LTBP1: variants seen among roughly 807,000 people sequenced by gnomAD.
LTBP1 encodes latent-transforming growth factor beta-binding protein 1.
Under a neutral mutation model 207.6 loss-of-function variants are expected in LTBP1, and 129 were observed. That is an observed-to-expected ratio of 0.62 (90% confidence interval 0.54 to 0.72). The LOEUF (loss-of-function observed/expected upper bound fraction) is 0.72. Ranked by LOEUF, LTBP1 falls within the 30% of genes least tolerant of loss-of-function variation. The pLI is 0.00. For missense variants in LTBP1, 2,281 were observed against 2,217.2 expected (o/e 1.03, Z -0.58); for synonymous variants, 963 against 833.7 (o/e 1.16, Z -2.67).
At chr2:33,309,300 T>A (rs2094146401) in intron 22 of LTBP1, 134 bp from the exon 23 acceptor site, 2 of 590,542 alleles carry the variant, frequency 3.4e-6, no homozygotes, top group Non-Finnish European at 5.3e-6. Flanking sequence ...AAAAAAAAGT[T>A]AAAAAGTTGT....
At chr2:33,188,175 C>T (rs2087410282) in intron 6 of LTBP1, among the ~76,000 whole-genome samples, 1 of 152,166 alleles carries the variant, frequency 6.6e-6, no homozygotes, top group Non-Finnish European at 1.5e-5. Context: ...AATCCCAGCA[C>T]TTTGGGAGGC....
At chr2:33,377,085 G>A (rs1272081190) in intron 31 of LTBP1, among the ~76,000 whole-genome samples, 1 of 152,192 alleles carries the variant, frequency 6.6e-6, no homozygotes, top group East Asian at 1.9e-4. Flanking sequence ...TTTGCCGCAA[G>A]GTGAGAATAG....
At chr2:33,341,729 A>AAAAAAAT (rs745445793) in intron 24 of LTBP1, among the ~76,000 whole-genome samples, 37 of 93,622 alleles carry the variant, frequency 4.0e-4, no homozygotes, top group African/African-American at 1.7e-3. Flanking sequence ...AAAAAAAAAA[A>AAAAAAAT]ATATATATAT....
Position 33,171,105 on chromosome 2 carries a change from T to TTTC in LTBP1, c.1202-15751_1202-15750insTTC, listed in dbSNP as rs1553437269. Among the ~76,000 whole-genome samples, 63 of 107,612 alleles carry TTTC rather than the reference T, an allele frequency of 5.9e-4. 4 individuals carry two copies. Among genetic ancestry groups the TTTC allele is most frequent in the African/African-American group, 1.7e-3 (50 of 29,696 alleles). 70.6% of individuals were successfully genotyped at this position (107,612 alleles called of 152,430 possible). On this transcript the variant is annotated intron_variant, in intron 5 of 33. Transcript: ENST00000404816. ...TGGAAACTCTAAAAAGCAGAGCACC[T>TTTC]CTCCTCCAAAGGAACGCAGTTCCTC...
At chr2:33,082,223 G>T (rs2078451701) in intron 3 of LTBP1, among the ~76,000 whole-genome samples, 1 of 152,070 alleles carries the variant, frequency 6.6e-6, no homozygotes, top group Admixed American at 6.6e-5. Flanking sequence ...TTTCTGCCAT[G>T]AGATTGTTGC....
intron 7 of LTBP1, among the ~76,000 whole-genome samples, chr2:33,204,271 T>C (rs1573163062): frequency 6.6e-6 from 1 of 151,712 alleles, no homozygotes; most frequent in South Asian, 2.1e-4. Flanking sequence ...TTGAATGTTC[T>C]ATTTCAACAA....
At chr2:33,129,130 A>G (rs1308405598) in intron 4 of LTBP1, among the ~76,000 whole-genome samples, 2 of 152,244 alleles carry the variant, frequency 1.3e-5, no homozygotes, top group African/African-American at 2.4e-5. Context: ...GGGAAAAAAA[A>G]GTACAGTTGG....
chr2:32,973,401 TG>T (rs1681216914), intron 2 of LTBP1, among the ~76,000 whole-genome samples: 1 of 152,206 alleles, frequency 6.6e-6, no homozygotes, highest in African/African-American at 2.4e-5. Context: ...AATGCTCTTT[TG>T]TGTCCGTTAC....
chr2:33,035,538 T>C (rs2075880154), intron 3 of LTBP1, among the ~76,000 whole-genome samples: 1 of 152,258 alleles, frequency 6.6e-6, no homozygotes, highest in Admixed American at 6.5e-5. Flanking sequence ...ACTGTATTTC[T>C]TCATACTTTC....
chr2:33,198,948 A>C (rs1439370213), intron 7 of LTBP1, among the ~76,000 whole-genome samples: 1 of 151,912 alleles, frequency 6.6e-6, no homozygotes, highest in Non-Finnish European at 1.5e-5. Flanking sequence ...TAGCTTTTGA[A>C]TGTGTTTGCT....
intron 8 of LTBP1, among the ~76,000 whole-genome samples, chr2:33,218,563 AT>A (rs1160573176): frequency 3.9e-5 from 6 of 151,990 alleles, no homozygotes; most frequent in Admixed American, 2.6e-4. Flanking sequence ...TGCCCAGCTA[AT>A]TTTTGTATTT....
intron 3 of LTBP1, among the ~76,000 whole-genome samples, chr2:33,046,011 T>C (rs667309): frequency 0.4 from 61,432 of 152,076 alleles, 14,131 homozygotes; most frequent in East Asian, 0.64. Flanking sequence ...AAGGAGATTT[T>C]GGGCTGAGAC....
chr2:33,177,139 C>G (rs1558759268), intron 5 of LTBP1, among the ~76,000 whole-genome samples: 1 of 152,164 alleles, frequency 6.6e-6, no homozygotes, highest in African/African-American at 2.4e-5. Context: ...GGCTGTTGCT[C>G]TTAATGTCTA....
intron 3 of LTBP1, among the ~76,000 whole-genome samples, chr2:33,037,720 TTTTA>T (rs575095354): frequency 5.1e-4 from 77 of 152,276 alleles, no homozygotes; most frequent in African/African-American, 1.7e-3. Context: ...ATAGTTTTTA[TTTTA>T]TTTATTTTTT....
intron 3 of LTBP1, among the ~76,000 whole-genome samples, chr2:33,053,478 G>A (rs754835921): frequency 9.2e-5 from 14 of 151,888 alleles, no homozygotes; most frequent in African/African-American, 3.1e-4. Context: ...AGGTGACAGC[G>A]TGCTGGCAGC....
At chr2:33,101,398 A>C (rs974485976) in intron 3 of LTBP1, among the ~76,000 whole-genome samples, 1 of 152,236 alleles carries the variant, frequency 6.6e-6, no homozygotes, top group Non-Finnish European at 1.5e-5. Context: ...TTATTGGAAG[A>C]GGAGTGAAAG....
intron 5 of LTBP1, among the ~76,000 whole-genome samples, chr2:33,182,269 A>C (rs949386298): frequency 1.3e-5 from 2 of 152,114 alleles, no homozygotes; most frequent in Non-Finnish European, 2.9e-5. Flanking sequence ...GGTTAGAGGT[A>C]GATTTAAATG....
At chr2:33,013,083 G>A (rs1006811953) in intron 2 of LTBP1, among the ~76,000 whole-genome samples, 1 of 151,952 alleles carries the variant, frequency 6.6e-6, no homozygotes, top group African/African-American at 2.4e-5. Flanking sequence ...GCGCTGCTGT[G>A]GACACCTACA....
chr2:33,285,420 T>C (rs546309009), intron 19 of LTBP1, among the ~76,000 whole-genome samples: 13 of 151,562 alleles, frequency 8.6e-5, no homozygotes, highest in African/African-American at 3.1e-4. Flanking sequence ...TCTTATGTCA[T>C]TGGAGCATTC....
Sources: gnomAD v4.1 joint callset for allele counts (sites outside exome capture counted in the v4.1 genomes callset) on GRCh38, gnomAD v4.1.1 for gene constraint, MANE v1.5 for transcripts, NCBI Gene and HGNC (gene_info 2026-07-23, HGNC 2026-07-21) for gene names.